The following EGFLAM variants were observed in gnomAD, a reference collection of about 807,000 sequenced individuals.
EGFLAM encodes the protein EGF like, fibronectin type III and laminin G domains.
EGFLAM carries 79 observed loss-of-function variants against 113.1 expected under a neutral mutation model. The ratio of observed to expected loss-of-function variants is 0.70; its 90% CI spans 0.58 to 0.84. EGFLAM has a LOEUF of 0.84. EGFLAM is among the 40% of genes least tolerant of loss of function. The pLI is 0.00. For synonymous variants in EGFLAM, 504 were observed against 487.6 expected (o/e 1.03, Z -0.44); for missense variants, 1,265 against 1,291.6 (o/e 0.98, Z 0.32).
chr5:38,389,976 T>C (rs1740768250), intron 6 of EGFLAM, among the ~76,000 whole-genome samples: 1 of 152,190 alleles, frequency 6.6e-6, no homozygotes, highest in Non-Finnish European at 1.5e-5. Context: ...TATTGTGAGT[T>C]ATTTTAAGTG....
At chr5:38,335,277 G>A (rs1739154887) in intron 1 of EGFLAM, among the ~76,000 whole-genome samples, 1 of 152,224 alleles carries the variant, frequency 6.6e-6, no homozygotes, top group Non-Finnish European at 1.5e-5. Flanking sequence ...AAAAGGCACA[G>A]ATATAGATGT....
intron 11 of EGFLAM, among the ~76,000 whole-genome samples, chr5:38,414,490 T>A (rs1197428945): frequency 6.6e-6 from 1 of 152,174 alleles, no homozygotes; most frequent in East Asian, 1.9e-4. Context: ...ATAGGCTGTG[T>A]TAACGGAGTC....
chr5:38,375,052 C>CTGT (rs1426742155), intron 6 of EGFLAM, among the ~76,000 whole-genome samples: 9 of 117,664 alleles, frequency 7.6e-5, no homozygotes, highest in African/African-American at 1.5e-4. Flanking sequence ...TCTGTTTACT[C>CTGT]TGTTGTTGTT....
At chr5:38,304,137 A>G (rs889960395) in intron 1 of EGFLAM, among the ~76,000 whole-genome samples, 6 of 152,180 alleles carry the variant, frequency 3.9e-5, no homozygotes, top group Admixed American at 6.5e-5. Context: ...TAAAAAAAAA[A>G]AAAAGAAAGA....
At chr5:38,429,491 C>T (rs952393883) in intron 14 of EGFLAM, among the ~76,000 whole-genome samples, 3 of 152,074 alleles carry the variant, frequency 2.0e-5, no homozygotes, top group African/African-American at 7.2e-5. Context: ...GGAAGTTCAG[C>T]GAGGGCCAGG....
intron 5 of EGFLAM, among the ~76,000 whole-genome samples, chr5:38,363,981 C>T (rs998669183): frequency 5.3e-5 from 8 of 152,296 alleles, no homozygotes; most frequent in African/African-American, 1.7e-4. Context: ...AAATGGGTGT[C>T]GTTGTGTTCC....
At chr5:38,375,273 T>A (rs1740336436) in intron 6 of EGFLAM, among the ~76,000 whole-genome samples, 1 of 152,188 alleles carries the variant, frequency 6.6e-6, no homozygotes, top group African/African-American at 2.4e-5. Context: ...TTAGATTAGT[T>A]AGACCCAAAC....
chr5:38,461,424 A>G (rs946755441), intron 20 of EGFLAM: 8 of 152,230 alleles, frequency 5.3e-5, no homozygotes, highest in African/African-American at 1.4e-4. Context: ...ATTATAAGGT[A>G]TATCTTCATT....
chr5:38,460,659 A>G (rs1253652868), intron 20 of EGFLAM, among the ~76,000 whole-genome samples: 1 of 152,212 alleles, frequency 6.6e-6, no homozygotes, highest in Non-Finnish European at 1.5e-5. Flanking sequence ...GAGCCCAGGA[A>G]CTAGATGAAT....
At chr5:38,440,745 T>C (rs935844422) in intron 17 of EGFLAM, among the ~76,000 whole-genome samples, 1 of 152,180 alleles carries the variant, frequency 6.6e-6, no homozygotes, top group Admixed American at 6.5e-5. Flanking sequence ...GTTCCCAGTA[T>C]TCCTACAGAA....
chr5:38,300,907 G>A (rs978181758), intron 1 of EGFLAM, among the ~76,000 whole-genome samples: 7 of 152,176 alleles, frequency 4.6e-5, no homozygotes, highest in African/African-American at 9.7e-5. Flanking sequence ...AAAAGAGGAA[G>A]GAGCAGAGAA....
chr5:38,280,287 C>T (rs1435422800), intron 1 of EGFLAM, among the ~76,000 whole-genome samples: 1 of 152,212 alleles, frequency 6.6e-6, no homozygotes, highest in Non-Finnish European at 1.5e-5. Flanking sequence ...GCCGTGCACT[C>T]ACGTACTGGT....
At chr5:38,351,618 G>A (rs879800945) in intron 4 of EGFLAM, among the ~76,000 whole-genome samples, 1 of 152,186 alleles carries the variant, frequency 6.6e-6, no homozygotes, top group African/African-American at 2.4e-5. Context: ...TGTGTCTGGA[G>A]GTGATCAGAA....
chr5:38,311,525 C>T (rs1738445254), intron 1 of EGFLAM, among the ~76,000 whole-genome samples: 1 of 152,134 alleles, frequency 6.6e-6, no homozygotes, highest in Admixed American at 6.6e-5. Flanking sequence ...ACAAGATTTC[C>T]TTCTTTTTTA....
intron 1 of EGFLAM, among the ~76,000 whole-genome samples, chr5:38,303,604 G>A (rs144092003): frequency 1.3e-5 from 2 of 152,306 alleles, no homozygotes; most frequent in East Asian, 3.9e-4. Context: ...CCCTAAAGTA[G>A]TGAGCAGCCT....
At chr5:38,323,382 C>T (rs1397073407) in intron 1 of EGFLAM, among the ~76,000 whole-genome samples, 1 of 152,146 alleles carries the variant, frequency 6.6e-6, no homozygotes, top group Admixed American at 6.5e-5. Flanking sequence ...GAAAAAAGCT[C>T]AAGCATACTC....
chr5:38,439,931 T>C (rs1019936363), intron 17 of EGFLAM, among the ~76,000 whole-genome samples: 3 of 152,244 alleles, frequency 2.0e-5, no homozygotes, highest in African/African-American at 7.2e-5. Context: ...CGGACTTAGA[T>C]GAACATTTAG....
At chr5:38,330,226 G>A (rs2246326) in intron 1 of EGFLAM, among the ~76,000 whole-genome samples, 4,569 of 150,332 alleles carry the variant, frequency 0.03, 260 homozygotes, top group African/African-American at 0.11. Context: ...TCAATATTCT[G>A]GATGTCAATT....
intron 6 of EGFLAM, among the ~76,000 whole-genome samples, chr5:38,396,273 AG>A (rs1220683857): frequency 6.6e-6 from 1 of 152,154 alleles, no homozygotes; most frequent in African/African-American, 2.4e-5. Flanking sequence ...AGAGAGAGAG[AG>A]AGAGAACCCA....
Sources: gnomAD v4.1 joint callset for allele counts (sites outside exome capture counted in the v4.1 genomes callset) on GRCh38, gnomAD v4.1.1 for gene constraint, MANE v1.5 for transcripts, NCBI Gene and HGNC (gene_info 2026-07-23, HGNC 2026-07-21) for gene names.